The following ITGA9 variants were observed in gnomAD, a reference collection of about 807,000 sequenced individuals.
ITGA9 encodes the protein integrin subunit alpha 9, also known as integrin alpha-9.
In ITGA9, 56 loss-of-function variants were observed where a neutral mutation model predicts 127.8. The ratio of observed to expected loss-of-function variants is 0.44; its 90% CI spans 0.35 to 0.55. The LOEUF (loss-of-function observed/expected upper bound fraction) is 0.55, where lower values mean the gene tolerates loss of function less well. ITGA9 is among the 20% of genes least tolerant of loss of function. The pLI is 0.00. For synonymous variants in ITGA9, 508 were observed against 514.5 expected, an observed-to-expected ratio of 0.99 and a Z score of 0.17; for missense variants, 1,196 against 1,347.1, an observed-to-expected ratio of 0.89 and a Z score of 1.76.
intron 16 of ITGA9, among the ~76,000 whole-genome samples, chr3:37,647,523 A>G (rs1481913927): frequency 6.6e-6 from 1 of 151,692 alleles, no homozygotes; most frequent in Admixed American, 6.6e-5. Flanking sequence ...TATATAATAC[A>G]ATATTGTCAA....
At chr3:37,731,587 T>C (rs773396080) in intron 18 of ITGA9, among the ~76,000 whole-genome samples, 1 of 152,252 alleles carries the variant, frequency 6.6e-6, no homozygotes, top group African/African-American at 2.4e-5. Flanking sequence ...AGTGTATTGA[T>C]GTTTAACAAA....
chr3:37,524,609 A>T (rs1262013385), intron 12 of ITGA9, among the ~76,000 whole-genome samples: 2 of 152,226 alleles, frequency 1.3e-5, no homozygotes, highest in Non-Finnish European at 2.9e-5. Flanking sequence ...ATAATACCTT[A>T]TATGGGTTTA....
intron 1 of ITGA9, among the ~76,000 whole-genome samples, chr3:37,453,243 T>C (rs1378990888): frequency 6.6e-6 from 1 of 152,068 alleles, no homozygotes; most frequent in Non-Finnish European, 1.5e-5. Flanking sequence ...GGTAGTTATC[T>C]CTTGGGAGAG....
chr3:37,709,779 T>C (rs1453613093), intron 18 of ITGA9, among the ~76,000 whole-genome samples: 1 of 152,234 alleles, frequency 6.6e-6, no homozygotes, highest in Non-Finnish European at 1.5e-5. Context: ...AAACAGCACA[T>C]TCTTGTGAGA....
At chr3:37,512,669 A>G (rs1231472060) in intron 8 of ITGA9, among the ~76,000 whole-genome samples, 1 of 152,162 alleles carries the variant, frequency 6.6e-6, no homozygotes. Context: ...CTTTAAATAA[A>G]GTTTTAAATT....
chr3:37,782,982 T>A (rs1019679354), intron 25 of ITGA9, among the ~76,000 whole-genome samples: 1 of 151,974 alleles, frequency 6.6e-6, no homozygotes, highest in African/African-American at 2.4e-5. Flanking sequence ...TACTAAAAAA[T>A]ACAAAAATTA....
At chr3:37,493,334 G>T (rs1216604475) in intron 4 of ITGA9, among the ~76,000 whole-genome samples, 2 of 152,204 alleles carry the variant, frequency 1.3e-5, no homozygotes, top group East Asian at 3.8e-4. Flanking sequence ...CAAAAATAAT[G>T]ATATTGCTTT....
chr3:37,819,023 C>A lies in ITGA9; in HGVS notation c.*34C>A. ...ACCAGTCACATGACCTGATCACTAG[C>A]CTGTCATCCTTGGTCTTTGTATCTT... On this transcript the variant is annotated 3_prime_UTR_variant, in exon 28 of 28. Coordinates refer to ENST00000264741, the MANE Select transcript of ITGA9 (RefSeq NM_002207.3). The A allele has an allele frequency of 1.4e-6, 2 of 1,416,002 alleles. No homozygotes were observed. The highest frequency in any genetic ancestry group is 1.0e-6 in the Non-Finnish European group (1 of 999,408). 87.7% of individuals were successfully genotyped at this position (1,416,002 alleles called of 1,614,324 possible).
intron 20 of ITGA9, among the ~76,000 whole-genome samples, chr3:37,737,263 G>C (rs1455901443): frequency 6.6e-6 from 1 of 152,214 alleles, no homozygotes; most frequent in African/African-American, 2.4e-5. Flanking sequence ...AGGCCCAGGG[G>C]GGTGAGGCTC....
chr3:37,617,993 C>T (rs371818275), intron 15 of ITGA9, among the ~76,000 whole-genome samples: 9 of 152,278 alleles, frequency 5.9e-5, no homozygotes, highest in East Asian at 1.9e-4. Context: ...AGCTTTGTTC[C>T]GTTGCTGGTG....
At chr3:37,670,457 G>A (rs1025027563) in intron 17 of ITGA9, among the ~76,000 whole-genome samples, 4 of 152,086 alleles carry the variant, frequency 2.6e-5, no homozygotes, top group African/African-American at 9.7e-5. Flanking sequence ...CTGTGAACCC[G>A]GATAAGGAAA....
At chr3:37,460,616 G>A (rs933584048) in intron 1 of ITGA9, among the ~76,000 whole-genome samples, 4 of 133,334 alleles carry the variant, frequency 3.0e-5, no homozygotes, top group African/African-American at 1.2e-4. Context: ...TTGAGATGGA[G>A]TCTTGCTCTG....
chr3:37,480,743 C>T (rs190515350), intron 3 of ITGA9, among the ~76,000 whole-genome samples: 2 of 152,158 alleles, frequency 1.3e-5, no homozygotes, highest in South Asian at 2.1e-4. Flanking sequence ...GTCTCCACAT[C>T]GGTTCAGTCC....
At chr3:37,741,854 G>T (rs1464537191) in intron 21 of ITGA9, 35 bp downstream of exon 21, 1 of 1,528,696 alleles carries the variant, frequency 6.5e-7, no homozygotes, top group Non-Finnish European at 9.0e-7. Flanking sequence ...CACAACACAG[G>T]AGTGCCCTCC....
chr3:37,786,367 C>T (rs1697040767), intron 26 of ITGA9, among the ~76,000 whole-genome samples: 1 of 152,110 alleles, frequency 6.6e-6, no homozygotes, highest in Non-Finnish European at 1.5e-5. Context: ...AAAATAAATG[C>T]TGGGCAGGCG....
intron 20 of ITGA9, among the ~76,000 whole-genome samples, chr3:37,741,408 G>A (rs545974512): frequency 2.8e-4 from 43 of 152,086 alleles, no homozygotes; most frequent in African/African-American, 1.0e-3. Flanking sequence ...CCTGGCTGCC[G>A]ACAGCACGAC....
intron 26 of ITGA9, among the ~76,000 whole-genome samples, chr3:37,797,470 G>A (rs1285798782): frequency 1.3e-5 from 2 of 152,200 alleles, no homozygotes; most frequent in African/African-American, 2.4e-5. Context: ...GTTTCCAAGA[G>A]CTCAGAGAAT....
At chr3:37,644,512 A>G (rs559711590) in intron 16 of ITGA9, among the ~76,000 whole-genome samples, 36 of 152,324 alleles carry the variant, frequency 2.4e-4, no homozygotes, top group Non-Finnish European at 1.3e-4. Context: ...GGATGCACCA[A>G]AGGCCCTGAC....
At chr3:37,789,643 C>A (rs1697083569) in intron 26 of ITGA9, among the ~76,000 whole-genome samples, 1 of 150,694 alleles carries the variant, frequency 6.6e-6, no homozygotes, top group East Asian at 1.9e-4. Flanking sequence ...GTGGCGGGCG[C>A]CTGTAGTCCC....
Sources: gnomAD v4.1 joint callset for allele counts (sites outside exome capture counted in the v4.1 genomes callset) on GRCh38, gnomAD v4.1.1 for gene constraint, MANE v1.5 for transcripts, NCBI Gene and HGNC (gene_info 2026-07-23, HGNC 2026-07-21) for gene names.